Variants in SLC24A3 observed in about 807,000 individuals in gnomAD.
The protein encoded by SLC24A3 is solute carrier family 24 member 3.
In SLC24A3, 28 loss-of-function variants were observed where a neutral mutation model predicts 75.8. The observed-to-expected ratio is 0.37, with a 90% CI of 0.27 to 0.51. SLC24A3 has a LOEUF of 0.51. SLC24A3 is among the 20% of genes least tolerant of loss of function. SLC24A3 has a pLI of 0.94. For synonymous variants in SLC24A3, 372 were observed against 334.1 expected (o/e 1.11, Z -1.24); for missense variants, 663 against 847.8 (o/e 0.78, Z 2.71).
chr20:19,328,749 G>T (rs1480508036), intron 2 of SLC24A3, among the ~76,000 whole-genome samples: 1 of 152,206 alleles, frequency 6.6e-6, no homozygotes, highest in African/African-American at 2.4e-5. Context: ...GATAATAAGA[G>T]TGTGTGCATC....
chr20:19,698,687 G>A lies in SLC24A3; in HGVS notation c.1719+7G>A, dbSNP rs1184725921. On this transcript the variant is annotated splice_region_variant and intron_variant, in intron 15 of 16. Transcript: ENST00000328041. ...TGTGGATTACGGATCCTACGTAAGT[G>A]GTTTTCTCCAGGACTTCTCCTGAAA... 1 of 1,563,634 alleles carries A rather than the reference G, an allele frequency of 6.4e-7. No individual in the cohort carries two copies. Among genetic ancestry groups the A allele is most frequent in the East Asian group, 2.4e-5 (1 of 42,306 alleles).
At chr20:19,390,363 G>A (rs1239039468) in intron 2 of SLC24A3, among the ~76,000 whole-genome samples, 2 of 152,182 alleles carry the variant, frequency 1.3e-5, no homozygotes, top group Admixed American at 6.5e-5. Flanking sequence ...GATGCTCAAT[G>A]GACCATCTGG....
At chr20:19,434,019 A>G (rs937429380) in intron 2 of SLC24A3, among the ~76,000 whole-genome samples, 3 of 152,212 alleles carry the variant, frequency 2.0e-5, no homozygotes, top group Non-Finnish European at 4.4e-5. Context: ...CCCTATCTCT[A>G]GGAGCTGGTT....
At chr20:19,287,224 T>G (rs1194913058) in intron 2 of SLC24A3, among the ~76,000 whole-genome samples, 3 of 152,232 alleles carry the variant, frequency 2.0e-5, no homozygotes, top group African/African-American at 7.2e-5. Context: ...TCTTTAGGCC[T>G]TTCCCTCCTC....
At chr20:19,310,385 A>T (rs987811852) in intron 2 of SLC24A3, among the ~76,000 whole-genome samples, 2 of 152,194 alleles carry the variant, frequency 1.3e-5, no homozygotes, top group Non-Finnish European at 2.9e-5. Context: ...ACAAGTGCTG[A>T]GCTAGTGTAT....
chr20:19,420,289 A>G (rs865967618), intron 2 of SLC24A3, among the ~76,000 whole-genome samples: 197 of 55,520 alleles, frequency 3.5e-3, no homozygotes, highest in African/African-American at 0.017. Flanking sequence ...CAATAAACAT[A>G]CGTGTGCATG....
intron 6 of SLC24A3, among the ~76,000 whole-genome samples, chr20:19,649,644 G>T (rs2032178724): frequency 2.0e-5 from 3 of 151,488 alleles, no homozygotes; most frequent in African/African-American, 2.4e-5. Flanking sequence ...CTCTTTTTTG[G>T]CTACAATTTC....
intron 6 of SLC24A3, among the ~76,000 whole-genome samples, chr20:19,591,326 C>CA (rs201342268): frequency 5.9e-4 from 88 of 147,902 alleles, no homozygotes; most frequent in Non-Finnish European, 7.8e-4. Context: ...CAGGTAACAA[C>CA]AAAAAAAAAA....
intron 6 of SLC24A3, among the ~76,000 whole-genome samples, chr20:19,623,440 C>T (rs559247759): frequency 1.3e-5 from 2 of 152,286 alleles, no homozygotes; most frequent in Admixed American, 1.3e-4. Flanking sequence ...CTTACCTTTC[C>T]AGTAGCTTTA....
chr20:19,500,526 G>A (rs1016461685), intron 2 of SLC24A3, among the ~76,000 whole-genome samples: 1 of 151,908 alleles, frequency 6.6e-6, no homozygotes, highest in Non-Finnish European at 1.5e-5. Context: ...AATATTATTT[G>A]GATAAAAAAT....
At chr20:19,227,394 C>CTG (rs1981896881) in intron 1 of SLC24A3, among the ~76,000 whole-genome samples, 1 of 144,612 alleles carries the variant, frequency 6.9e-6, no homozygotes, top group African/African-American at 2.5e-5. Flanking sequence ...CTTGTTCATT[C>CTG]TTTTTTTTTT....
rs533165542 is a variant in SLC24A3 at position 19,390,952 on chromosome 20, G to A, written c.271+109865G>A. The stretch of plus-strand genomic sequence containing the variant: ...GAAGTGTAGCAGGTCTGAGGGCTGA[G>A]ACTTTGGGAGCCAGACTATAGCCTT... On this transcript the variant is annotated intron_variant, in intron 2 of 16. Coordinates refer to ENST00000328041, the MANE Select transcript of SLC24A3 (RefSeq NM_020689.4). 1.2e-4 allele frequency among the ~76,000 whole-genome samples: 18 copies of A among 152,280 alleles called. 1 individual carries two copies. In the South Asian group the frequency reaches 3.3e-3, roughly 28 times the overall value.
intron 2 of SLC24A3, among the ~76,000 whole-genome samples, chr20:19,300,676 G>A (rs1323003638): frequency 2.6e-5 from 4 of 152,058 alleles, no homozygotes; most frequent in Admixed American, 6.5e-5. Context: ...TCCTTCCTTC[G>A]GTGCGATGAC....
At chr20:19,245,971 G>T (rs957446300) in intron 1 of SLC24A3, among the ~76,000 whole-genome samples, 1 of 152,082 alleles carries the variant, frequency 6.6e-6, no homozygotes, top group Non-Finnish European at 1.5e-5. Context: ...TAGAAGATTT[G>T]AACAATGGTT....
At chr20:19,255,969 C>T (rs751133694) in intron 1 of SLC24A3, among the ~76,000 whole-genome samples, 4 of 151,948 alleles carry the variant, frequency 2.6e-5, no homozygotes, top group Admixed American at 6.6e-5. Context: ...TATGGTGGCA[C>T]GTGCCTGTAG....
chr20:19,271,760 C>G (rs1028917002), intron 1 of SLC24A3, among the ~76,000 whole-genome samples: 1 of 152,124 alleles, frequency 6.6e-6, no homozygotes, highest in Admixed American at 6.5e-5. Flanking sequence ...ATTGTATGTT[C>G]CCACTCATAA....
intron 1 of SLC24A3, among the ~76,000 whole-genome samples, chr20:19,248,329 G>A (rs13043161): frequency 0.041 from 6,167 of 152,208 alleles, 130 homozygotes; most frequent in Non-Finnish European, 0.044. Flanking sequence ...ACATTACCAT[G>A]TAAGCTGAAA....
At chr20:19,225,738 T>G (rs1353219431) in intron 1 of SLC24A3, among the ~76,000 whole-genome samples, 1 of 152,208 alleles carries the variant, frequency 6.6e-6, no homozygotes, top group African/African-American at 2.4e-5. Context: ...GCTTCTCAGC[T>G]TCATCTAAGT....
At chr20:19,708,859 G>C (rs572902518) in intron 15 of SLC24A3, among the ~76,000 whole-genome samples, 1 of 152,346 alleles carries the variant, frequency 6.6e-6, no homozygotes, top group African/African-American at 2.4e-5. Flanking sequence ...AAAATTAGGT[G>C]ATGCCTGAGG....
Sources: gnomAD v4.1 joint callset for allele counts (sites outside exome capture counted in the v4.1 genomes callset) on GRCh38, gnomAD v4.1.1 for gene constraint, MANE v1.5 for transcripts, NCBI Gene and HGNC (gene_info 2026-07-23, HGNC 2026-07-21) for gene names.